Variants in DSCAM observed in about 807,000 individuals in gnomAD.
DSCAM encodes the protein cell adhesion molecule DSCAM.
DSCAM carries 47 observed loss-of-function variants against 217.7 expected under a neutral mutation model. The observed-to-expected ratio is 0.22, with a 90% CI of 0.17 to 0.28. The LOEUF is 0.28. DSCAM is among the 10% of genes least tolerant of loss of function. DSCAM has a pLI of 1.00. For missense variants in DSCAM, 2,080 were observed against 2,618.3 expected (o/e 0.79, Z 4.49); for synonymous variants, 1,056 against 1,015.3 (o/e 1.04, Z -0.76).
chr21:40,832,491 A>T (rs1036812741), intron 1 of DSCAM, among the ~76,000 whole-genome samples: 9 of 152,220 alleles, frequency 5.9e-5, no homozygotes, highest in African/African-American at 2.2e-4. Flanking sequence ...GTGACAATCT[A>T]TGCAGATAAT....
chr21:40,243,545 G>T (rs1055644923), intron 11 of DSCAM, among the ~76,000 whole-genome samples: 6 of 152,184 alleles, frequency 3.9e-5, no homozygotes, highest in African/African-American at 1.4e-4. Flanking sequence ...GCAAGATGAT[G>T]ACAGCAGTAA....
intron 1 of DSCAM, among the ~76,000 whole-genome samples, chr21:40,826,904 C>G: frequency 6.6e-6 from 1 of 151,510 alleles, no homozygotes; most frequent in South Asian, 2.1e-4. Context: ...GATAGAGATA[C>G]GAATATGGAA....
chr21:40,569,080 G>C (rs1244551542), intron 3 of DSCAM, among the ~76,000 whole-genome samples: 1 of 152,138 alleles, frequency 6.6e-6, no homozygotes, highest in Non-Finnish European at 1.5e-5. Flanking sequence ...GGTGCAGGAG[G>C]GTCCCTCAAC....
intron 16 of DSCAM, among the ~76,000 whole-genome samples, chr21:40,166,859 G>A (rs2090600110): frequency 6.6e-6 from 1 of 152,080 alleles, no homozygotes; most frequent in Admixed American, 6.5e-5. Context: ...GCCACCGCAT[G>A]CTTTGCCATT....
intron 3 of DSCAM, among the ~76,000 whole-genome samples, chr21:40,596,435 T>C (rs2077022135): frequency 6.6e-6 from 1 of 152,172 alleles, no homozygotes; most frequent in African/African-American, 2.4e-5. Context: ...ATGGCCATTT[T>C]TGTCAAAGAG....
chr21:40,058,486 C>T (rs1321397348), intron 28 of DSCAM, among the ~76,000 whole-genome samples: 1 of 152,160 alleles, frequency 6.6e-6, no homozygotes, highest in Non-Finnish European at 1.5e-5. Flanking sequence ...TGCTCTGTTT[C>T]CTGTGTCTCC....
intron 14 of DSCAM, 76 bp from the exon 15 acceptor site, chr21:40,179,170 T>C (rs930175059): frequency 9.4e-6 from 6 of 639,122 alleles, no homozygotes; most frequent in Admixed American, 6.3e-5. Flanking sequence ...AGTTCACAAG[T>C]AGGAATTAAA....
intron 8 of DSCAM, among the ~76,000 whole-genome samples, chr21:40,315,466 C>G (rs2074186249): frequency 6.6e-6 from 1 of 151,696 alleles, no homozygotes; most frequent in Non-Finnish European, 1.5e-5. Context: ...TAGAATGTCC[C>G]TTTAGAGCAT....
rs534788604 is a variant in DSCAM at position 40,362,246 on chromosome 21, T to G, written c.655+6853A>C. 2.6e-5 allele frequency among the ~76,000 whole-genome samples: 4 copies of G among 152,322 alleles called. No homozygotes were observed. The East Asian group carries it at 7.7e-4, about 29-fold the overall frequency. On this transcript the variant is annotated intron_variant, in intron 4 of 32. Transcript: ENST00000400454. Reference sequence around the variant, plus strand: ...CGCAATAAACATACGTGTGCATGTGTCTTTATAGCAGCATATGTACCCTAA... The same window carrying G: ...CGCAATAAACATACGTGTGCATGTGGCTTTATAGCAGCATATGTACCCTAA...
chr21:40,624,222 A>G (rs1229833260), intron 3 of DSCAM, among the ~76,000 whole-genome samples: 3 of 152,184 alleles, frequency 2.0e-5, no homozygotes, highest in Admixed American at 6.5e-5. Context: ...ATGCAAACTC[A>G]TCATTGCCTG....
At chr21:40,445,266 T>A (rs1251492197) in intron 3 of DSCAM, among the ~76,000 whole-genome samples, 1 of 152,190 alleles carries the variant, frequency 6.6e-6, no homozygotes, top group Non-Finnish European at 1.5e-5. Context: ...GACACCAGCA[T>A]TCAGATCACA....
intron 3 of DSCAM, among the ~76,000 whole-genome samples, chr21:40,620,367 AAAG>A (rs1403975408): frequency 9.8e-6 from 1 of 102,094 alleles, no homozygotes; most frequent in South Asian, 4.3e-4. Context: ...GAAAAAAGAA[AAAG>A]AAAGAAAGAA....
intron 26 of DSCAM, among the ~76,000 whole-genome samples, chr21:40,077,394 G>A (rs1304952653): frequency 1.5e-4 from 23 of 152,222 alleles, no homozygotes; most frequent in Admixed American, 9.8e-4. Context: ...TGGGCCATCC[G>A]GACATTATAG....
At chr21:40,832,897 C>T (rs1039005340) in intron 1 of DSCAM, among the ~76,000 whole-genome samples, 1 of 139,588 alleles carries the variant, frequency 7.2e-6, no homozygotes, top group Non-Finnish European at 1.5e-5. Context: ...CATTAGGAAG[C>T]ATTTCATCAA....
chr21:40,192,433 C>T lies in DSCAM; in HGVS notation c.2357-3195G>A, dbSNP rs374177163. Reference sequence around the variant, plus strand: ...GCTAATGGTTTTATGAGGGGCTTTCCGCCCTTTACTCTGCACTTCCCCTTC... The same window carrying T: ...GCTAATGGTTTTATGAGGGGCTTTCTGCCCTTTACTCTGCACTTCCCCTTC... On this transcript the variant is annotated intron_variant, in intron 11 of 32. Coordinates refer to ENST00000400454, the MANE Select transcript of DSCAM (RefSeq NM_001389.5). Among the ~76,000 whole-genome samples, 6 of 152,232 alleles carry T rather than the reference C, an allele frequency of 3.9e-5. No individual in the cohort carries two copies. In the East Asian group the frequency reaches 5.8e-4, roughly 15 times the overall value.
chr21:40,564,704 G>A (rs1385532222), intron 3 of DSCAM, among the ~76,000 whole-genome samples: 2 of 152,214 alleles, frequency 1.3e-5, no homozygotes, highest in African/African-American at 4.8e-5. Context: ...ACGGGAACCT[G>A]CCAAGGCTAG....
chr21:40,041,494 AC>A (rs199864188), intron 32 of DSCAM, among the ~76,000 whole-genome samples: 1 of 137,638 alleles, frequency 7.3e-6, no homozygotes, highest in Non-Finnish European at 1.6e-5. Context: ...CCATACTAAG[AC>A]CCCATTTCCA....
At chr21:40,378,595 T>A (rs1168499032) in intron 3 of DSCAM, among the ~76,000 whole-genome samples, 9 of 47,664 alleles carry the variant, frequency 1.9e-4, no homozygotes, top group African/African-American at 7.5e-4. Flanking sequence ...TTTTTTTTTT[T>A]TTTTTTTTTT....
chr21:40,452,017 G>A (rs773221533), intron 3 of DSCAM, among the ~76,000 whole-genome samples: 7 of 151,976 alleles, frequency 4.6e-5, no homozygotes, highest in African/African-American at 7.3e-5. Flanking sequence ...TTACCTCCCT[G>A]GGACTATGAA....
Sources: gnomAD v4.1 joint callset for allele counts (sites outside exome capture counted in the v4.1 genomes callset) on GRCh38, gnomAD v4.1.1 for gene constraint, MANE v1.5 for transcripts, NCBI Gene and HGNC (gene_info 2026-07-23, HGNC 2026-07-21) for gene names.